Variants in NEBL observed in about 807,000 individuals in gnomAD.
NEBL encodes LIM and SH3 protein 2.
A neutral mutation model predicts 140.2 loss-of-function variants in NEBL; 122 were observed. The observed-to-expected ratio is 0.87, with a 90% CI of 0.75 to 1.01. The LOEUF (loss-of-function observed/expected upper bound fraction) is 1.01, where lower values mean the gene tolerates loss of function less well. Among genes scored for constraint, NEBL ranks in the 50% least tolerant of loss-of-function variants. The pLI is 0.00. For synonymous variants in NEBL, 436 were observed against 398.9 expected, an observed-to-expected ratio of 1.09 and a Z score of -1.11; for missense variants, 1,365 against 1,231.3, an observed-to-expected ratio of 1.11 and a Z score of -1.62.
intron 5 of NEBL, 62 bp from the exon 6 acceptor site, chr10:20,869,903 C>T: frequency 1.4e-5 from 15 of 1,062,512 alleles, no homozygotes; most frequent in Non-Finnish European, 2.2e-5. Flanking sequence ...AGCTACTAGT[C>T]TTAGTGTTCA....
At chr10:20,881,918 A>G (rs1418500697) in intron 4 of NEBL, among the ~76,000 whole-genome samples, 2 of 152,220 alleles carry the variant, frequency 1.3e-5, no homozygotes, top group East Asian at 1.9e-4. Context: ...TGGCAACTTA[A>G]GAAAGACAAA....
intron 3 of NEBL, among the ~76,000 whole-genome samples, chr10:21,193,219 G>A (rs1221618130): frequency 6.6e-6 from 1 of 152,168 alleles, no homozygotes; most frequent in African/African-American, 2.4e-5. Context: ...GAAGACGTGG[G>A]TGAGCACCTG....
At chr10:21,140,490 T>A (rs1839580514) in intron 2 of NEBL, among the ~76,000 whole-genome samples, 1 of 152,224 alleles carries the variant, frequency 6.6e-6, no homozygotes, top group African/African-American at 2.4e-5. Context: ...TAAGAAGATG[T>A]AATTAAGTTA....
chr10:21,025,048 A>G (rs934600309), intron 2 of NEBL, among the ~76,000 whole-genome samples: 10 of 152,218 alleles, frequency 6.6e-5, no homozygotes, highest in African/African-American at 2.4e-4. Flanking sequence ...TTTCTCCACC[A>G]GGCCTAGAGG....
chr10:20,849,169 C>A (rs1842250675), intron 11 of NEBL, among the ~76,000 whole-genome samples: 1 of 151,834 alleles, frequency 6.6e-6, no homozygotes, highest in Admixed American at 6.6e-5. Flanking sequence ...AGGCTGCAGA[C>A]AAAACCTTGT....
chr10:21,269,337 C>T (rs1436926904), intron 1 of NEBL, among the ~76,000 whole-genome samples: 1 of 152,180 alleles, frequency 6.6e-6, no homozygotes, highest in South Asian at 2.1e-4. Flanking sequence ...ATGAACATGC[C>T]TGTCACAGCC....
chr10:21,286,692 G>A (rs749760167), intron 1 of NEBL, among the ~76,000 whole-genome samples: 10 of 152,188 alleles, frequency 6.6e-5, no homozygotes, highest in South Asian at 6.2e-4. Flanking sequence ...AAATTAGCCA[G>A]GCGTGGTGGT....
At chr10:20,829,385 A>G (rs2130893866) in intron 16 of NEBL, among the ~76,000 whole-genome samples, 1 of 145,086 alleles carries the variant, frequency 6.9e-6, no homozygotes, top group Admixed American at 7.0e-5. Flanking sequence ...GAATTGAACA[A>G]TGAGAACACA....
chr10:21,277,761 T>C (rs953057009), intron 1 of NEBL, among the ~76,000 whole-genome samples: 1 of 152,234 alleles, frequency 6.6e-6, no homozygotes, highest in African/African-American at 2.4e-5. Flanking sequence ...GTTAACATAG[T>C]CTTCCAGGAC....
intron 4 of NEBL, among the ~76,000 whole-genome samples, chr10:20,886,387 G>T (rs1451870249): frequency 6.6e-6 from 1 of 151,912 alleles, no homozygotes; most frequent in Non-Finnish European, 1.5e-5. Flanking sequence ...AAATTAGCTG[G>T]GTGTGGTGGT....
intron 2 of NEBL, among the ~76,000 whole-genome samples, chr10:21,057,382 A>C (rs1365176937): frequency 6.6e-6 from 1 of 151,880 alleles, no homozygotes; most frequent in African/African-American, 2.4e-5. Flanking sequence ...CATCAAAGGG[A>C]CCTTGCACAT....
chr10:21,159,583 C>T (rs1167632406), intron 2 of NEBL, among the ~76,000 whole-genome samples: 1 of 152,200 alleles, frequency 6.6e-6, no homozygotes, highest in African/African-American at 2.4e-5. Context: ...AACTGGTATT[C>T]TCTCTTAAAC....
upstream of NEBL, among the ~76,000 whole-genome samples, chr10:20,901,583 G>A (rs1399045055): frequency 1.3e-5 from 2 of 151,946 alleles, no homozygotes; most frequent in Admixed American, 6.5e-5. Context: ...TGAGTGGGGG[G>A]AAAAAAGTAC....
rs10678454 is a variant in NEBL at position 21,272,118 on chromosome 10, A to ATTT, written n.183-20293_183-20291dup. Among the ~76,000 whole-genome samples the ATTT allele has an allele frequency of 1.5e-3, 117 of 79,092 alleles. 7 individuals carry two copies. The highest frequency in any genetic ancestry group is 0.013 in the Admixed American group (75 of 5,940). The allele number at this position is 79,092 out of a possible 152,430, so 51.9% of individuals were successfully genotyped here. A position where few individuals can be genotyped will look rare whatever the true frequency, so the allele number is the denominator to read the frequency against. ...AGGCACCCGCCACCACACTTGGTTA[A>ATTT]TTTTTTTTTTTTTTTTTTTTTTTTT... is the stretch of plus-strand genomic sequence containing the variant. On this transcript the variant is annotated intron_variant and non_coding_transcript_variant, in intron 1 of 8. Transcript: ENST00000675702.
chr10:20,829,006 T>TA (rs1380377013), intron 16 of NEBL, among the ~76,000 whole-genome samples: 4 of 152,174 alleles, frequency 2.6e-5, no homozygotes, highest in African/African-American at 9.6e-5. Flanking sequence ...TACCAGCACT[T>TA]ACATTGTACT....
In NEBL at chr10:21,289,326, C is replaced by T. The variant is rs566442868; in HGVS notation, n.182+3504G>A. 8.5e-5 allele frequency among the ~76,000 whole-genome samples: 13 copies of T among 152,280 alleles called. No homozygotes were observed. In the South Asian group the frequency reaches 2.7e-3, roughly 32 times the overall value. Reference sequence around the variant, plus strand: ...CAGTATTCACGGAGATCATGAAGGACTGTCCAGAAGACAAGCATGCAGCTC... The same window carrying T: ...CAGTATTCACGGAGATCATGAAGGATTGTCCAGAAGACAAGCATGCAGCTC... On this transcript the variant is annotated intron_variant and non_coding_transcript_variant, in intron 1 of 8. Transcript: ENST00000675702.
chr10:20,852,862 C>T (rs185980543), intron 9 of NEBL, among the ~76,000 whole-genome samples: 22 of 152,206 alleles, frequency 1.4e-4, no homozygotes, highest in East Asian at 1.9e-4. Flanking sequence ...ATATGAAACA[C>T]GCAAGAGAGG....
At chr10:20,901,017 T>TA (rs1193528918), upstream of NEBL, among the ~76,000 whole-genome samples, 9 of 151,360 alleles carry the variant, frequency 5.9e-5, no homozygotes, top group Admixed American at 1.3e-4. Context: ...GACTCCCTCT[T>TA]AAAAAAAATA....
intron 2 of NEBL, among the ~76,000 whole-genome samples, chr10:21,041,057 T>C (rs1183934068): frequency 1.3e-5 from 2 of 152,176 alleles, no homozygotes; most frequent in South Asian, 2.1e-4. Flanking sequence ...ACTAACACAC[T>C]TTCCAACTTT....
Sources: gnomAD v4.1 joint callset for allele counts (sites outside exome capture counted in the v4.1 genomes callset) on GRCh38, gnomAD v4.1.1 for gene constraint, MANE v1.5 for transcripts, NCBI Gene and HGNC (gene_info 2026-07-23, HGNC 2026-07-21) for gene names.